The following SHANK2 variants were observed in gnomAD, a reference collection of about 807,000 sequenced individuals.
The protein encoded by SHANK2 is SH3 and multiple ankyrin repeat domains 2.
A neutral mutation model predicts 133.7 loss-of-function variants in SHANK2; 43 were observed. That is an observed-to-expected ratio of 0.32 (90% confidence interval 0.25 to 0.41). The LOEUF is 0.41. Among genes scored for constraint, SHANK2 ranks in the 10% least tolerant of loss-of-function variants. The pLI is 1.00. For missense variants in SHANK2, 1,994 were observed against 2,235.8 expected, an observed-to-expected ratio of 0.89 and a Z score of 2.18; for synonymous variants, 1,017 against 952.8, an observed-to-expected ratio of 1.07 and a Z score of -1.24.
At chr11:71,074,940 C>T (rs991099731) in intron 9 of SHANK2, among the ~76,000 whole-genome samples, 4 of 151,968 alleles carry the variant, frequency 2.6e-5, no homozygotes, top group Admixed American at 1.3e-4. Flanking sequence ...CCACCATGCC[C>T]GGCTAATTTT....
chr11:70,644,824 G>A (rs57620598), intron 17 of SHANK2, among the ~76,000 whole-genome samples: 6,595 of 152,244 alleles, frequency 0.043, 480 homozygotes, highest in African/African-American at 0.15. Flanking sequence ...CTTTTGCCAA[G>A]ACCGACACCT....
At position 70,526,529 on chromosome 11, in the gene SHANK2, C is replaced by T. The variant is rs377560387; in HGVS notation, c.2062-23598G>A. On this transcript the variant is annotated intron_variant, in intron 17 of 25. Coordinates refer to ENST00000601538, the MANE Select transcript of SHANK2 (RefSeq NM_012309.5). ...GTACCATGCATGTGTGCTCAGCGCA[C>T]ACGCGTCAGGGCCCCTGTGTGAATA... Among the ~76,000 whole-genome samples the T allele has an allele frequency of 3.9e-3, 589 of 152,304 alleles. 3 individuals are homozygous for T. Among genetic ancestry groups the T allele is most frequent in the Non-Finnish European group, 3.0e-3 (207 of 68,032 alleles).
At chr11:70,740,014 G>A (rs531917867) in intron 14 of SHANK2, among the ~76,000 whole-genome samples, 3 of 152,344 alleles carry the variant, frequency 2.0e-5, no homozygotes, top group African/African-American at 7.2e-5. Flanking sequence ...CCAGGGGCCC[G>A]GCAGGGGCAG....
chr11:70,640,501 C>A (rs2061164058), intron 17 of SHANK2, among the ~76,000 whole-genome samples: 2 of 152,250 alleles, frequency 1.3e-5, no homozygotes, highest in Non-Finnish European at 2.9e-5. Flanking sequence ...TGAGTGAACG[C>A]ATCGCTGTTG....
At chr11:70,577,683 C>G (rs931151871) in intron 17 of SHANK2, among the ~76,000 whole-genome samples, 2 of 151,976 alleles carry the variant, frequency 1.3e-5, no homozygotes, top group African/African-American at 4.8e-5. Flanking sequence ...CATTCAGGCA[C>G]TGGACTCGTG....
At chr11:70,754,037 C>A (rs1224157619) in intron 14 of SHANK2, among the ~76,000 whole-genome samples, 1 of 152,192 alleles carries the variant, frequency 6.6e-6, no homozygotes, top group Non-Finnish European at 1.5e-5. Context: ...GTCTTGAACT[C>A]CTGACCTCAA....
At chr11:71,096,807 CAT>C (rs1951622595) in intron 6 of SHANK2, among the ~76,000 whole-genome samples, 1 of 152,168 alleles carries the variant, frequency 6.6e-6, no homozygotes, top group African/African-American at 2.4e-5. Context: ...TTTAAATTAA[CAT>C]ATAATTTTCA....
intron 9 of SHANK2, among the ~76,000 whole-genome samples, chr11:71,057,408 G>T (rs1950933577): frequency 6.6e-6 from 1 of 152,088 alleles, no homozygotes; most frequent in South Asian, 2.1e-4. Context: ...CATTTTAAAG[G>T]CTTAAAGAGA....
In SHANK2 at chr11:71,118,941, T is replaced by G. The variant is rs1555100949; in HGVS notation, c.299A>C (p.Asn100Thr). 1.9e-6 allele frequency: 3 copies of G among 1,551,740 alleles called. No individual in the cohort carries two copies. Among genetic ancestry groups the G allele is most frequent in the Non-Finnish European group, 2.6e-6 (3 of 1,147,016 alleles). Residue 100 changes from asparagine to threonine, a missense_variant, in exon 4 of 26, where the codon AAC (asparagine) becomes ACC (threonine). This residue lies in a region of SHANK2 where 653 missense variants were observed against 563.4 expected (regional missense o/e 1.16). Coordinates refer to ENST00000601538, the MANE Select transcript of SHANK2 (RefSeq NM_012309.5). Reference protein sequence around the residue: ...TLTQSLKDVLNYGLFQPASNG... With the variant: ...TLTQSLKDVLTYGLFQPASNG... ...GCTGGCCGGCTGGAACAGGCCGTAGTTCAGGACATCTTTCAAACTCTGGGT... is the reference window on the plus strand; with the variant it reads ...GCTGGCCGGCTGGAACAGGCCGTAGGTCAGGACATCTTTCAAACTCTGGGT...
At chr11:70,906,620 G>A (rs180830822) in intron 10 of SHANK2, among the ~76,000 whole-genome samples, 1 of 152,308 alleles carries the variant, frequency 6.6e-6, no homozygotes, top group Non-Finnish European at 1.5e-5. Context: ...GGAAAGGCAC[G>A]AGAGAAACCG....
chr11:70,698,873 G>C, intron 14 of SHANK2, 110 bp from the exon 15 acceptor site: 1 of 710,262 alleles, frequency 1.4e-6, no homozygotes, highest in Non-Finnish European at 2.6e-6. Flanking sequence ...CAAAATGTGA[G>C]ATGCACTGTC....
rs148500851 is a variant in SHANK2 at position 71,128,457 on chromosome 11, G to A, written c.208-9425C>T. ...GCAGTACATACAGCATGAGACCTGG[G>A]TGGTGATGGAGTGGGACAGGGGCTG... On this transcript the variant is annotated intron_variant, in intron 3 of 25. Coordinates refer to ENST00000601538, the MANE Select transcript of SHANK2 (RefSeq NM_012309.5). Among the ~76,000 whole-genome samples, 3 of 152,292 alleles carry A rather than the reference G, an allele frequency of 2.0e-5. No individual in the cohort carries two copies. In the East Asian group the frequency reaches 5.8e-4, roughly 29 times the overall value.
At chr11:70,611,525 T>C (rs1392369569) in intron 17 of SHANK2, among the ~76,000 whole-genome samples, 17 of 152,210 alleles carry the variant, frequency 1.1e-4, no homozygotes, top group Admixed American at 1.1e-3. Flanking sequence ...AGGGACTGCC[T>C]CACCTCTGGG....
chr11:71,216,510 G>C (rs1234346932), intron 2 of SHANK2, among the ~76,000 whole-genome samples: 1 of 152,154 alleles, frequency 6.6e-6, no homozygotes. Context: ...TAATGGTACA[G>C]GTTTTGGGGG....
chr11:70,503,325 C>T (rs1555159298), intron 17 of SHANK2, among the ~76,000 whole-genome samples: 1 of 152,128 alleles, frequency 6.6e-6, no homozygotes, highest in East Asian at 1.9e-4. Flanking sequence ...CAGGCGAGTT[C>T]CAGGGCTGGG....
intron 11 of SHANK2, among the ~76,000 whole-genome samples, chr11:70,838,777 G>C (rs1555060734): frequency 6.6e-6 from 1 of 152,168 alleles, no homozygotes; most frequent in Non-Finnish European, 1.5e-5. Flanking sequence ...TTTATGTGTA[G>C]ACTTCAGGGC....
At chr11:71,221,065 G>A (rs1232178178) in intron 2 of SHANK2, among the ~76,000 whole-genome samples, 3 of 152,040 alleles carry the variant, frequency 2.0e-5, no homozygotes, top group Non-Finnish European at 4.4e-5. Flanking sequence ...GCCGGGCTTG[G>A]TGGCAGGCGC....
At chr11:70,746,815 C>CT (rs1482336858) in intron 14 of SHANK2, among the ~76,000 whole-genome samples, 22 of 9,620 alleles carry the variant, frequency 2.3e-3, no homozygotes, top group Non-Finnish European at 3.2e-3. Context: ...TGCCCCCACA[C>CT]TGGGGGAGGG....
At chr11:70,489,657 A>C in intron 23 of SHANK2, 2 of 470,604 alleles carry the variant, frequency 4.2e-6, no homozygotes, top group Non-Finnish European at 7.7e-6. Flanking sequence ...CAGAATTGAC[A>C]CAGTAAAGGC....
Sources: allele counts gnomAD v4.1 joint callset (sites outside exome capture counted in the v4.1 genomes callset), GRCh38; gene constraint gnomAD v4.1.1; regional missense constraint gnomAD v4.1.1; transcripts MANE v1.5; gene names NCBI Gene and HGNC (gene_info 2026-07-23, HGNC 2026-07-21).